MACF1: variants seen among roughly 807,000 people sequenced by gnomAD.
The protein encoded by MACF1 is microtubule actin crosslinking factor 1.
A neutral mutation model predicts 854.8 loss-of-function variants in MACF1; 193 were observed. The observed-to-expected ratio is 0.23, with a 90% confidence interval of 0.20 to 0.25. The LOEUF is 0.25. Among genes scored for constraint, MACF1 ranks in the 10% least tolerant of loss-of-function variants. The pLI is 1.00. For synonymous variants in MACF1, 3,185 were observed against 3,226.7 expected, an observed-to-expected ratio of 0.99 and a Z score of 0.44; for missense variants, 7,722 against 8,929.1, an observed-to-expected ratio of 0.86 and a Z score of 5.45.
chr1:39,276,150 G>A (rs1323059529), intron 6 of MACF1, among the ~76,000 whole-genome samples: 1 of 152,056 alleles, frequency 6.6e-6, no homozygotes, highest in Non-Finnish European at 1.5e-5. Flanking sequence ...GAACTCCTGG[G>A]CTCAAGTGAT....
At chr1:39,136,008 G>A (rs1221021147) in intron 2 of MACF1, among the ~76,000 whole-genome samples, 1 of 152,100 alleles carries the variant, frequency 6.6e-6, no homozygotes, top group Non-Finnish European at 1.5e-5. Flanking sequence ...GTATTTTTAG[G>A]ATATATGTAC....
chr1:39,276,021 A>G (rs554161904), intron 6 of MACF1, among the ~76,000 whole-genome samples: 2 of 151,982 alleles, frequency 1.3e-5, no homozygotes, highest in South Asian at 4.2e-4. Context: ...TTGGGCTTAA[A>G]CGATCCTCGT....
At chr1:39,327,425 C>G in intron 36 of MACF1, 72 bp downstream of exon 36, 2 of 1,454,496 alleles carry the variant, frequency 1.4e-6, no homozygotes, top group Non-Finnish European at 9.3e-7. Flanking sequence ...TTTGCTGATT[C>G]AGAGTCATGA....
chr1:39,203,916 G>A (rs768074444), upstream of MACF1, among the ~76,000 whole-genome samples: 6 of 152,088 alleles, frequency 3.9e-5, no homozygotes, highest in Non-Finnish European at 4.4e-5. Flanking sequence ...TCATATACAG[G>A]TCTTTGTGTG....
intron 2 of MACF1, among the ~76,000 whole-genome samples, chr1:39,161,916 G>T (rs1643806743): frequency 6.6e-6 from 1 of 151,424 alleles, no homozygotes; most frequent in African/African-American, 2.4e-5. Flanking sequence ...AACTAGCCGG[G>T]CATGATGGTG....
chr1:39,361,718 G>A, intron 49 of MACF1, 41 bp downstream of exon 49: 1 of 1,595,394 alleles, frequency 6.3e-7, no homozygotes, highest in Non-Finnish European at 8.6e-7. Context: ...AAAGGGAAGA[G>A]AAGGGCAGGG....
At chr1:39,337,861 C>G (rs1459909660) in intron 38 of MACF1, among the ~76,000 whole-genome samples, 1 of 151,878 alleles carries the variant, frequency 6.6e-6, no homozygotes, top group Non-Finnish European at 1.5e-5. Flanking sequence ...GCTCTGCCTC[C>G]CGGGTTTCCG....
At chr1:39,228,725 C>T (rs913385133) in intron 1 of MACF1, among the ~76,000 whole-genome samples, 10 of 152,234 alleles carry the variant, frequency 6.6e-5, no homozygotes, top group Admixed American at 1.3e-4. Flanking sequence ...ACGATCTCAG[C>T]TCACTGCAAC....
intron 80 of MACF1, among the ~76,000 whole-genome samples, chr1:39,447,064 A>G (rs769621276): frequency 1.3e-5 from 2 of 152,240 alleles, no homozygotes; most frequent in African/African-American, 4.8e-5. Flanking sequence ...ATTAAAGGAA[A>G]CTGAAACATT....
intron 21 of MACF1, among the ~76,000 whole-genome samples, chr1:39,299,689 C>T (rs1401439165): frequency 2.0e-5 from 3 of 152,140 alleles, no homozygotes; most frequent in Non-Finnish European, 4.4e-5. Context: ...CTCTAGAAAG[C>T]TTGACTCAAT....
intron 55 of MACF1, 122 bp from the exon 56 acceptor site, chr1:39,381,831 T>C: frequency 4.0e-6 from 3 of 742,016 alleles, no homozygotes; most frequent in Non-Finnish European, 7.0e-6. Context: ...CTGTCTCAAA[T>C]AAGTAAATAA....
At chr1:39,485,382 G>T in intron 100 of MACF1, 156 bp from the exon 101 acceptor site, 1 of 829,972 alleles carries the variant, frequency 1.2e-6, no homozygotes, top group East Asian at 2.8e-5. Flanking sequence ...GCCAGAAAAG[G>T]CTTCAGCAAC....
In MACF1 at chr1:39,484,880, C is replaced by CT. The variant is rs1645076377; in HGVS notation, c.22411+153dup. 3.5e-6 allele frequency: 3 copies of CT among 859,728 alleles called. No homozygotes were observed. The Admixed American group carries it at 7.0e-5, about 20-fold the overall frequency. 53.3% of individuals were successfully genotyped at this position (859,728 alleles called of 1,614,324 possible). ...ACAGACCTGCAGATGCTCAAGTGACCTTTACTTTTTCTGTCATTACAGCTA... is the reference window on the plus strand; with the variant it reads ...ACAGACCTGCAGATGCTCAAGTGACCTTTTACTTTTTCTGTCATTACAGCTA... On this transcript the variant is annotated intron_variant, in intron 100 of 100. Transcript: ENST00000564288.
intron 6 of MACF1, among the ~76,000 whole-genome samples, chr1:39,261,805 A>T (rs1645166423): frequency 6.6e-6 from 1 of 152,192 alleles, no homozygotes; most frequent in Admixed American, 6.5e-5. Flanking sequence ...TCTCTTGTGT[A>T]TACATGTATA....
chr1:39,234,396 G>A (rs1398891072), intron 2 of MACF1, among the ~76,000 whole-genome samples: 4 of 150,930 alleles, frequency 2.7e-5, no homozygotes, highest in African/African-American at 7.3e-5. Flanking sequence ...CCTTCCGGGC[G>A]GGGCGGCTGG....
chr1:39,199,598 T>C (rs1393547668), intron 2 of MACF1, among the ~76,000 whole-genome samples: 2 of 152,130 alleles, frequency 1.3e-5, no homozygotes, highest in African/African-American at 4.8e-5. Context: ...GGGGTAATAA[T>C]ATATAGTTCC....
At chr1:39,372,442 C>T in intron 51 of MACF1, 37 bp from the exon 52 acceptor site, 1 of 1,243,478 alleles carries the variant, frequency 8.0e-7, no homozygotes, top group East Asian at 2.3e-5. Context: ...GGAAAAAGCC[C>T]CAGATACTAC....
At chr1:39,206,808 A>T (rs1237234948) in intron 1 of MACF1, 1 of 152,148 alleles carries the variant, frequency 6.6e-6, no homozygotes, top group Non-Finnish European at 1.5e-5. Flanking sequence ...CAATTTTAAG[A>T]TGCATTTCAT....
At chr1:39,451,875 T>C (rs528626377) in intron 85 of MACF1, among the ~76,000 whole-genome samples, 3 of 152,268 alleles carry the variant, frequency 2.0e-5, no homozygotes, top group Admixed American at 2.0e-4. Context: ...TTCTTTCTTT[T>C]TTCTTTTTTT....
Sources: gnomAD v4.1 joint callset for allele counts (sites outside exome capture counted in the v4.1 genomes callset) on GRCh38, gnomAD v4.1.1 for gene constraint, MANE v1.5 for transcripts, NCBI Gene and HGNC (gene_info 2026-07-23, HGNC 2026-07-21) for gene names.